Variants in RNF31 observed in about 807,000 individuals in gnomAD.
RNF31 encodes E3 ubiquitin-protein ligase RNF31.
RNF31 carries 38 observed loss-of-function variants against 133.6 expected under a neutral mutation model. The ratio of observed to expected loss-of-function variants is 0.28; its 90% CI spans 0.22 to 0.37. RNF31 has a LOEUF of 0.37. RNF31 is among the 10% of genes least tolerant of loss of function. The probability of loss-of-function intolerance (pLI) is 1.00; values close to 1 mark genes in which losing one functional copy is unlikely to be tolerated. For synonymous variants in RNF31, 582 were observed against 552.3 expected, an observed-to-expected ratio of 1.05 and a Z score of -0.75; for missense variants, 1,118 against 1,394.1, an observed-to-expected ratio of 0.80 and a Z score of 3.15.
rs1457657461 is a variant in RNF31 at position 24,151,416 on chromosome 14, T to C, written c.1737+37T>C. On this transcript the variant is annotated intron_variant, in intron 9 of 20. Transcript: ENST00000324103. The surrounding 1 kb of genome is among the most constrained non-coding windows in gnomAD (Gnocchi z 5.3). ...GCTGGATATGGGATAGGGTCGAGAG[T>C]CTGCATCTCTCACACTCTCCCTTGC... The C allele has an allele frequency of 1.9e-6, 3 of 1,612,582 alleles. No individual in the cohort carries two copies. Among genetic ancestry groups the C allele is most frequent in the African/African-American group, 1.3e-5 (1 of 74,718 alleles).
chr14:24,151,598 A>G lies in RNF31; in HGVS notation c.1851A>G (p.Leu617=), dbSNP rs1449217838. ...TGACTGAGCTACAGCGCCAACGCCT[A>G]GAGCCCTTCCGCCAGCGCCTCTGGG... is the stretch of plus-strand genomic sequence containing the variant. ...RALTELQRQR[L]EPFRQRLWDS... Residue 617 remains leucine, a synonymous_variant, in exon 10 of 21, where the codon CTA becomes CTG. Transcript: ENST00000324103. This position sits in a 1 kb window ranked among gnomAD's most constrained non-coding sequence, Gnocchi z 5.3. The G allele has an allele frequency of 1.9e-6, 3 of 1,613,914 alleles. No individual in the cohort carries two copies. The highest frequency in any genetic ancestry group is 3.3e-5 in the Admixed American group (2 of 60,006).
chr14:24,156,464 C>G (rs1250828648), intron 14 of RNF31, among the ~76,000 whole-genome samples: 2 of 152,158 alleles, frequency 1.3e-5, no homozygotes, highest in Non-Finnish European at 2.9e-5. Context: ...CCACTATGCC[C>G]AGCCACATTT....
Position 24,157,615 on chromosome 14 carries a change from T to C in RNF31, c.2704T>C (p.Tyr902His), listed in dbSNP as rs1171953231. 5 of 1,614,012 alleles carry C rather than the reference T, an allele frequency of 3.1e-6. No homozygotes were observed. Among genetic ancestry groups the C allele is most frequent in the East Asian group, 2.2e-5 (1 of 44,884 alleles). ...QCRHQFCSGC[Y>H]NAFYAKNKCP... ...CCGCCACCAGTTCTGCAGCGGCTGC[T>C]ACAATGCCTTTTACGCCAAGAATGT... The change falls in exon 16 of 21, where the codon TAC becomes CAC. Residue 902 changes from tyrosine (Y) to histidine (H), a missense_variant. Physicochemically the swap from Tyr to His is moderately conservative, Grantham distance 83. Transcript: ENST00000324103.
At position 24,151,389 on chromosome 14, in the gene RNF31, G is replaced by A. The variant is rs770487325; in HGVS notation, c.1737+10G>A. Reference sequence around the variant, plus strand: ...GACCAGGCGAAGGAAGGTATCAGCTGTGCTGGATATGGGATAGGGTCGAGA... The same window carrying A: ...GACCAGGCGAAGGAAGGTATCAGCTATGCTGGATATGGGATAGGGTCGAGA... On this transcript the variant is annotated intron_variant, in intron 9 of 20. Transcript: ENST00000324103. This position sits in a 1 kb window ranked among gnomAD's most constrained non-coding sequence, Gnocchi z 5.3. 3.1e-6 allele frequency: 5 copies of A among 1,614,164 alleles called. No individual in the cohort carries two copies. The South Asian group carries it at 4.4e-5, about 14-fold the overall frequency.
chr14:24,154,758 A>G (rs1162296591), intron 11 of RNF31, among the ~76,000 whole-genome samples: 2 of 152,168 alleles, frequency 1.3e-5, no homozygotes, highest in African/African-American at 4.8e-5. Flanking sequence ...CACCATAATC[A>G]AGATACAGAT....
chr14:24,150,493 TCTCTTCC>T (rs2038246402), intron 7 of RNF31, 45 bp downstream of exon 7: 3 of 1,582,462 alleles, frequency 1.9e-6, no homozygotes, highest in Non-Finnish European at 2.6e-6. Context: ...CCTCAGGCAT[TCTCTTCC>T]CTATCCCATG....
Position 24,147,817 on chromosome 14 carries a change from G to C in RNF31, c.119G>C (p.Ser40Thr). 6.2e-7 allele frequency: 1 copy of C among 1,605,652 alleles called. No homozygotes were observed. Among genetic ancestry groups the C allele is most frequent in the African/African-American group, 1.3e-5 (1 of 74,958 alleles). ...SLEQLRPLLA[S>T]SLPLAARYLQ... ...GAGCAGCTCCGGCCGCTACTAGCCAGCTCTCTGCCGCTAGCCGCCCGCTAC... is the reference window on the plus strand; with the variant it reads ...GAGCAGCTCCGGCCGCTACTAGCCACCTCTCTGCCGCTAGCCGCCCGCTAC... The change falls in exon 1 of 21, where the codon AGC becomes ACC. Residue 40 changes from serine (S) to threonine (T), a missense_variant. By Grantham distance (58) the Ser-to-Thr change is moderately conservative (BLOSUM62 1). Around this residue, in one of 3 missense-constraint regions of RNF31, gnomAD observed 747 missense variants for 827.9 expected, o/e 0.90. Transcript: ENST00000324103.
chr14:24,159,583 CCAAAAAAAAA>C (rs1489131710), intron 18 of RNF31, among the ~76,000 whole-genome samples: 2 of 104,480 alleles, frequency 1.9e-5, no homozygotes, highest in African/African-American at 8.0e-5. Context: ...TAAATAACAA[CCAAAAAAAAA>C]AAAAAAAAAA....
At chr14:24,154,056 C>T (rs1206266180) in intron 11 of RNF31, among the ~76,000 whole-genome samples, 8 of 152,192 alleles carry the variant, frequency 5.3e-5, no homozygotes, top group African/African-American at 9.7e-5. Flanking sequence ...AGCGCAGTCG[C>T]GCAATCATGG....
chr14:24,153,774 G>C (rs958997133), intron 11 of RNF31, among the ~76,000 whole-genome samples: 13 of 148,204 alleles, frequency 8.8e-5, no homozygotes, highest in Non-Finnish European at 1.6e-4. Context: ...TGTGGTAGTG[G>C]GTGCCTGTAA....
In RNF31 at chr14:24,158,390, A is replaced by G. The variant is rs545613783; in HGVS notation, c.2899+191A>G. ...CCACCTTGCAGCTAAGCCATTTTAC[A>G]TAAGACATCTTTAAAGAACCTGGTA... is the stretch of plus-strand genomic sequence containing the variant. On this transcript the variant is annotated intron_variant, in intron 18 of 20. Transcript: ENST00000324103. Among the ~76,000 whole-genome samples the G allele has an allele frequency of 5.6e-4, 85 of 152,400 alleles. 1 individual carries two copies. Among genetic ancestry groups the G allele is most frequent in the Middle Eastern group, 6.8e-3 (2 of 294 alleles).
chr14:24,160,559 C>G lies in RNF31; in HGVS notation c.3205C>G (p.Arg1069Gly). ...GGTACCCTTGGGACAGAGTATCCCC[C>G]GCAGGCGGAAGTAGCTGAGGGCAAG... Reference protein sequence around the residue: ...EEVPLGQSIPRRRK With the variant: ...EEVPLGQSIPGRRK The change falls in exon 21 of 21, where the codon CGC (arginine) becomes GGC (glycine). Residue 1069 changes from arginine (R) to glycine (G), a missense_variant. This residue lies in a region of RNF31 where 170 missense variants were observed against 194.5 expected (regional missense o/e 0.87). Coordinates refer to ENST00000324103, the MANE Select transcript of RNF31 (RefSeq NM_017999.5). The surrounding 1 kb of genome is among the most constrained non-coding windows in gnomAD (Gnocchi z 4.0). 1.3e-6 allele frequency: 2 copies of G among 1,535,932 alleles called. No individual in the cohort carries two copies. Among genetic ancestry groups the G allele is most frequent in the Non-Finnish European group, 1.8e-6 (2 of 1,138,802 alleles).
Position 24,160,041 on chromosome 14 carries a change from C to A in RNF31, c.2996+81C>A. The A allele has an allele frequency of 7.0e-7, 1 of 1,433,470 alleles. No homozygotes were observed. The highest frequency in any genetic ancestry group is 1.2e-5 in the South Asian group (1 of 84,990). 88.8% of individuals were successfully genotyped at this position (1,433,470 alleles called of 1,614,324 possible). On this transcript the variant is annotated intron_variant, in intron 19 of 20. Transcript: ENST00000324103. This position sits in a 1 kb window ranked among gnomAD's most constrained non-coding sequence, Gnocchi z 4.0. ...GCATGCCCAGGCAGTAAAATGGGTC[C>A]TTGGGAGCAGTAGGTCTTGCAGTGG...
At chr14:24,149,302 T>C (rs1292783654) in intron 5 of RNF31, 104 bp from the exon 6 acceptor site, 4 of 1,192,812 alleles carry the variant, frequency 3.4e-6, no homozygotes, top group South Asian at 2.9e-5. Flanking sequence ...TTTCCTTGGG[T>C]CCAGATGTTT....
chr14:24,152,701 G>A (rs897133787), intron 11 of RNF31, among the ~76,000 whole-genome samples: 3 of 152,216 alleles, frequency 2.0e-5, no homozygotes, highest in African/African-American at 7.2e-5. Context: ...CACATACAGA[G>A]CCAGTCTAAC....
At chr14:24,157,787 C>T in intron 16 of RNF31, 111 bp from the exon 17 acceptor site, 2 of 1,112,474 alleles carry the variant, frequency 1.8e-6, no homozygotes, top group Non-Finnish European at 2.7e-6. Context: ...TTTGCTTGCT[C>T]CTCCAATGTC....
chr14:24,149,066 C>A lies in RNF31; in HGVS notation c.631+190C>A. 3 of 632,476 alleles carry A rather than the reference C, an allele frequency of 4.7e-6. No individual in the cohort carries two copies. In the South Asian group the frequency reaches 5.6e-5, roughly 12 times the overall value. The allele number at this position is 632,476 out of a possible 1,614,324, so 39.2% of individuals were successfully genotyped here. A position where few individuals can be genotyped will look rare whatever the true frequency, so the allele number is the denominator to read the frequency against. ...GCAACCTCCACCTCCCGGGTTCAAGCGATTCTCCTGCCTCAGCCTCCCGAG... is the reference window on the plus strand; with the variant it reads ...GCAACCTCCACCTCCCGGGTTCAAGAGATTCTCCTGCCTCAGCCTCCCGAG... On this transcript the variant is annotated intron_variant, in intron 5 of 20. Transcript: ENST00000324103.
intron 11 of RNF31, 122 bp downstream of exon 11, chr14:24,152,114 G>A (rs371823422): frequency 2.1e-6 from 2 of 939,352 alleles, no homozygotes. Context: ...ACCCCTGAAG[G>A]CTCCTGGGAG....
intron 16 of RNF31, 22 bp downstream of exon 16, chr14:24,157,660 A>C: frequency 6.3e-7 from 1 of 1,594,284 alleles, no homozygotes; most frequent in Non-Finnish European, 8.6e-7. Context: ...GAGTTGGGGA[A>C]GGGGTGGAAG....
Sources: allele counts gnomAD v4.1 joint callset (sites outside exome capture counted in the v4.1 genomes callset), GRCh38; gene constraint gnomAD v4.1.1; regional missense constraint gnomAD v4.1.1; non-coding constraint Gnocchi (gnomAD v3.1); transcripts MANE v1.5; gene names NCBI Gene and HGNC (gene_info 2026-07-23, HGNC 2026-07-21).